Variants in GPHN observed in about 807,000 individuals in gnomAD.
The protein encoded by GPHN is gephyrin.
In GPHN, 17 loss-of-function variants were observed where a neutral mutation model predicts 95.5. The observed-to-expected ratio is 0.18, with a 90% CI of 0.12 to 0.27. GPHN has a LOEUF of 0.27. GPHN is among the 10% of genes least tolerant of loss of function. The probability of loss-of-function intolerance (pLI) is 1.00; values close to 1 mark genes in which losing one functional copy is unlikely to be tolerated. For missense variants in GPHN, 660 were observed against 978.1 expected (o/e 0.67, Z 4.34); for synonymous variants, 320 against 322.5 (o/e 0.99, Z 0.08).
At chr14:67,625,307 T>C in the GPHN span, among the ~76,000 whole-genome samples, 1 of 152,178 alleles carries the variant, frequency 6.6e-6, no homozygotes, top group African/African-American at 2.4e-5. Flanking sequence ...TTCTTAGCTA[T>C]CCCATCAAAA....
At chr14:66,828,799 A>G (rs1254622985) in intron 4 of GPHN, among the ~76,000 whole-genome samples, 3 of 152,040 alleles carry the variant, frequency 2.0e-5, no homozygotes, top group Non-Finnish European at 2.9e-5. Context: ...AAAAATGAGA[A>G]TAGAATATCA....
At chr14:67,575,038 A>G in the GPHN span, among the ~76,000 whole-genome samples, 5 of 152,162 alleles carry the variant, frequency 3.3e-5, no homozygotes, top group East Asian at 7.7e-4. Flanking sequence ...TGGTTGCCCA[A>G]GGGCTTCAGC....
At chr14:66,594,921 A>C (rs74536122) in intron 1 of GPHN, among the ~76,000 whole-genome samples, 6,073 of 152,294 alleles carry the variant, frequency 0.04, 438 homozygotes, top group African/African-American at 0.14. Context: ...TCTGATAAGG[A>C]ATTAATATCC....
chr14:67,517,000 C>A, the GPHN span, among the ~76,000 whole-genome samples: 1 of 152,200 alleles, frequency 6.6e-6, no homozygotes, highest in East Asian at 1.9e-4. Flanking sequence ...ATATAATATT[C>A]TCAGCACACA....
the GPHN span, among the ~76,000 whole-genome samples, chr14:67,408,937 C>A: frequency 1.3e-5 from 2 of 151,918 alleles, no homozygotes; most frequent in African/African-American, 4.8e-5. Flanking sequence ...CATAAATGAT[C>A]CTTTATTGGC....
chr14:67,498,767 G>T, the GPHN span, among the ~76,000 whole-genome samples: 1 of 152,128 alleles, frequency 6.6e-6, no homozygotes, highest in Non-Finnish European at 1.5e-5. Flanking sequence ...CTGGGTTCAA[G>T]CAATTCTCCT....
chr14:66,964,986 A>T (rs1217297350), intron 8 of GPHN, among the ~76,000 whole-genome samples: 1 of 152,194 alleles, frequency 6.6e-6, no homozygotes, highest in Non-Finnish European at 1.5e-5. Flanking sequence ...AAAAAGTTTT[A>T]TGAAATGGTA....
At chr14:66,805,364 C>T (rs191202981) in intron 3 of GPHN, among the ~76,000 whole-genome samples, 162 of 152,246 alleles carry the variant, frequency 1.1e-3, no homozygotes, top group South Asian at 2.1e-3. Flanking sequence ...ACAATCAAAC[C>T]ATATCATTTC....
the GPHN span, chr14:67,729,360 C>T: frequency 1.3e-6 from 2 of 1,597,902 alleles, no homozygotes; most frequent in Admixed American, 1.7e-5. Flanking sequence ...GCCTGGAGCC[C>T]CTGAGTGGCA....
At chr14:67,486,740 G>A in the GPHN span, among the ~76,000 whole-genome samples, 56 of 152,214 alleles carry the variant, frequency 3.7e-4, no homozygotes, top group Non-Finnish European at 5.7e-4. Flanking sequence ...CCACTCTTAC[G>A]TATGTCTTTA....
chr14:66,809,275 A>G (rs943793330), intron 3 of GPHN, among the ~76,000 whole-genome samples: 3 of 152,190 alleles, frequency 2.0e-5, no homozygotes, highest in Non-Finnish European at 2.9e-5. Context: ...TACTGGGGGT[A>G]TATCACAGTG....
intron 9 of GPHN, among the ~76,000 whole-genome samples, chr14:67,010,279 G>A (rs1329216994): frequency 2.0e-5 from 3 of 151,740 alleles, no homozygotes; most frequent in Admixed American, 6.5e-5. Flanking sequence ...GGCCGGGCGC[G>A]GTGGCTCACG....
chr14:67,593,048 A>G, the GPHN span, among the ~76,000 whole-genome samples: 2 of 152,224 alleles, frequency 1.3e-5, no homozygotes, highest in Admixed American at 6.5e-5. Context: ...TGGCCTCCCA[A>G]AGTGCTGGGA....
At position 67,070,851 on chromosome 14, in the gene GPHN, C is replaced by G. The variant is rs371542750; in HGVS notation, c.1144+12065C>G. On this transcript the variant is annotated intron_variant, in intron 11 of 22. Coordinates refer to ENST00000478722, the MANE Select transcript of GPHN (RefSeq NM_020806.5). ...TTGTTTAGGGGGGTTATTTTTATAG[C>G]TATGTAATTGAATAAAATTACCTAT... is the stretch of plus-strand genomic sequence containing the variant. Among the ~76,000 whole-genome samples, 18 of 151,642 alleles carry G rather than the reference C, an allele frequency of 1.2e-4. 1 individual carries two copies. In the East Asian group the frequency reaches 2.9e-3, roughly 24 times the overall value.
At chr14:67,204,752 G>T in the GPHN span, 1 of 1,613,750 alleles carries the variant, frequency 6.2e-7, no homozygotes, top group African/African-American at 1.3e-5. Flanking sequence ...AGTCTCTCAG[G>T]AATTACGAAT....
the GPHN span, among the ~76,000 whole-genome samples, chr14:67,599,541 C>G: frequency 6.6e-6 from 1 of 152,148 alleles, no homozygotes; most frequent in South Asian, 2.1e-4. Flanking sequence ...AACTATAACA[C>G]TCTATCTATA....
chr14:67,460,765 G>A, the GPHN span, among the ~76,000 whole-genome samples: 4 of 152,188 alleles, frequency 2.6e-5, no homozygotes, highest in African/African-American at 9.7e-5. Flanking sequence ...ATAGATTTCT[G>A]TGTAGAAATA....
the GPHN span, among the ~76,000 whole-genome samples, chr14:67,371,556 C>T: frequency 6.6e-6 from 1 of 152,124 alleles, no homozygotes; most frequent in African/African-American, 2.4e-5. Context: ...GACCTTATAG[C>T]CTATACACAC....
chr14:67,305,354 C>T, the GPHN span, among the ~76,000 whole-genome samples: 1 of 152,076 alleles, frequency 6.6e-6, no homozygotes, highest in East Asian at 1.9e-4. Flanking sequence ...GATCACGACT[C>T]CTGCAGCCTT....
Sources: gnomAD v4.1 joint callset for allele counts (sites outside exome capture counted in the v4.1 genomes callset) on GRCh38, gnomAD v4.1.1 for gene constraint, MANE v1.5 for transcripts, NCBI Gene and HGNC (gene_info 2026-07-23, HGNC 2026-07-21) for gene names.